Variants in CSMD1 observed in about 807,000 individuals in gnomAD.
CSMD1 encodes CUB and Sushi multiple domains 1.
Under a neutral mutation model 417.5 loss-of-function variants are expected in CSMD1, and 213 were observed. The ratio of observed to expected loss-of-function variants is 0.51; its 90% CI spans 0.46 to 0.57. CSMD1 has a LOEUF of 0.57. Ranked by LOEUF, CSMD1 falls within the 20% of genes least tolerant of loss-of-function variation. The probability of loss-of-function intolerance (pLI) is 0.00; values close to 1 mark genes in which losing one functional copy is unlikely to be tolerated. For synonymous variants in CSMD1, 2,862 were observed against 1,736.8 expected, an observed-to-expected ratio of 1.65 and a Z score of -16.11; for missense variants, 6,923 against 4,529.7, an observed-to-expected ratio of 1.53 and a Z score of -15.17.
At chr8:3,540,256 C>T (rs1261698915) in intron 10 of CSMD1, among the ~76,000 whole-genome samples, 3 of 152,138 alleles carry the variant, frequency 2.0e-5, no homozygotes, top group African/African-American at 4.8e-5. Context: ...ATTCAACTTA[C>T]TTGCAAAACA....
intron 3 of CSMD1, among the ~76,000 whole-genome samples, chr8:4,134,285 G>C (rs1462262256): frequency 3.3e-5 from 5 of 152,272 alleles, no homozygotes; most frequent in African/African-American, 9.6e-5. Context: ...GACTGTATTT[G>C]AGGATAAAGC....
intron 50 of CSMD1, among the ~76,000 whole-genome samples, chr8:3,043,973 C>T (rs977993498): frequency 1.3e-5 from 2 of 152,094 alleles, no homozygotes; most frequent in Admixed American, 6.5e-5. Context: ...GCTGCAAACA[C>T]TCTACAACAG....
chr8:4,131,433 C>T (rs910927870), intron 3 of CSMD1, among the ~76,000 whole-genome samples: 41 of 152,108 alleles, frequency 2.7e-4, no homozygotes, highest in African/African-American at 7.7e-4. Flanking sequence ...CTCAACTACC[C>T]CTGAGGTCAA....
intron 2 of CSMD1, among the ~76,000 whole-genome samples, chr8:4,425,379 C>CAAAA (rs3056571): frequency 2.3e-5 from 3 of 128,820 alleles, no homozygotes; most frequent in African/African-American, 8.5e-5. Flanking sequence ...ATTTGTGTGC[C>CAAAA]AAAAAAAAAA....
At chr8:3,227,974 C>T (rs1267413481) in intron 27 of CSMD1, among the ~76,000 whole-genome samples, 4 of 152,060 alleles carry the variant, frequency 2.6e-5, no homozygotes, top group Admixed American at 2.0e-4. Flanking sequence ...CACCATGTTG[C>T]CCAGGCTGGT....
intron 11 of CSMD1, among the ~76,000 whole-genome samples, chr8:3,473,281 T>C (rs1024846195): frequency 6.6e-6 from 1 of 152,192 alleles, no homozygotes; most frequent in South Asian, 2.1e-4. Context: ...TTCAATCAAA[T>C]GTCAAATCAG....
chr8:4,145,447 A>G (rs1804054203), intron 3 of CSMD1, among the ~76,000 whole-genome samples: 4 of 151,248 alleles, frequency 2.6e-5, no homozygotes, highest in Admixed American at 6.6e-5. Context: ...ACAGGTTACT[A>G]TATATTTTTT....
intron 3 of CSMD1, among the ~76,000 whole-genome samples, chr8:4,129,998 G>T (rs970587712): frequency 2.0e-5 from 3 of 151,826 alleles, no homozygotes; most frequent in African/African-American, 4.8e-5. Context: ...GTGTTTATTG[G>T]GAATTTTGCC....
intron 5 of CSMD1, among the ~76,000 whole-genome samples, chr8:3,786,273 G>C (rs1365073597): frequency 6.6e-6 from 1 of 152,072 alleles, no homozygotes; most frequent in Non-Finnish European, 1.5e-5. Flanking sequence ...TGGATACATG[G>C]GCATGGAGGT....
At chr8:4,937,735 A>G (rs1269048902) in intron 1 of CSMD1, among the ~76,000 whole-genome samples, 1 of 152,116 alleles carries the variant, frequency 6.6e-6, no homozygotes, top group East Asian at 1.9e-4. Context: ...GAGCAGAGTA[A>G]GATAAGTGTG....
intron 2 of CSMD1, among the ~76,000 whole-genome samples, chr8:4,608,783 T>G (rs913631088): frequency 2.6e-5 from 4 of 152,210 alleles, no homozygotes; most frequent in Non-Finnish European, 4.4e-5. Flanking sequence ...GGAAAATACC[T>G]AGCTGAATGT....
intron 6 of CSMD1, among the ~76,000 whole-genome samples, chr8:3,723,619 T>C (rs1393004873): frequency 1.3e-5 from 2 of 152,120 alleles, no homozygotes; most frequent in African/African-American, 4.8e-5. Context: ...AAGAAAATAT[T>C]AGAATTTTAG....
intron 68 of CSMD1, among the ~76,000 whole-genome samples, chr8:2,944,926 A>G (rs1325591653): frequency 6.6e-6 from 1 of 152,210 alleles, no homozygotes; most frequent in East Asian, 1.9e-4. Flanking sequence ...ATGCTGGAAA[A>G]TCTACGTGTC....
intron 3 of CSMD1, among the ~76,000 whole-genome samples, chr8:4,079,588 A>T (rs957175715): frequency 6.6e-6 from 1 of 152,236 alleles, no homozygotes; most frequent in Non-Finnish European, 1.5e-5. Flanking sequence ...AAAACACTTT[A>T]TTAGGGAAAG....
At chr8:4,488,176 C>T (rs1585155580) in intron 2 of CSMD1, among the ~76,000 whole-genome samples, 1 of 152,164 alleles carries the variant, frequency 6.6e-6, no homozygotes, top group African/African-American at 2.4e-5. Context: ...GCTTCCAGAA[C>T]TGTGAGAAAT....
intron 3 of CSMD1, among the ~76,000 whole-genome samples, chr8:4,105,541 A>C (rs373201528): frequency 1.3e-5 from 2 of 152,330 alleles, no homozygotes; most frequent in African/African-American, 4.8e-5. Flanking sequence ...GGATGCAGAC[A>C]ATTAAAAAAT....
At chr8:2,993,980 C>T (rs1806637734) in intron 54 of CSMD1, among the ~76,000 whole-genome samples, 1 of 131,390 alleles carries the variant, frequency 7.6e-6, no homozygotes, top group African/African-American at 3.7e-5. Context: ...CCCATCCCTA[C>T]TAAAAAAAAA....
chr8:3,998,216 C>T, intron 4 of CSMD1, 106 bp from the exon 5 acceptor site: 1 of 978,076 alleles, frequency 1.0e-6, no homozygotes, highest in Non-Finnish European at 1.5e-6. Context: ...ATTTTCTGAA[C>T]CCAAAATTGA....
At chr8:4,556,585 A>G (rs17070599) in intron 2 of CSMD1, among the ~76,000 whole-genome samples, 23,054 of 152,210 alleles carry the variant, frequency 0.15, 1,882 homozygotes, top group Middle Eastern at 0.21. Flanking sequence ...ATAGCAAAGA[A>G]TAAACGAATA....
Sources: allele counts gnomAD v4.1 joint callset (sites outside exome capture counted in the v4.1 genomes callset), GRCh38; gene constraint gnomAD v4.1.1; transcripts MANE v1.5; gene names NCBI Gene and HGNC (gene_info 2026-07-23, HGNC 2026-07-21).